CNTLN: variants seen among roughly 807,000 people sequenced by gnomAD.
CNTLN encodes centlein.
A neutral mutation model predicts 180.0 loss-of-function variants in CNTLN; 212 were observed. The ratio of observed to expected loss-of-function variants is 1.18; its 90% CI spans 1.05 to 1.32. CNTLN has a LOEUF of 1.32. Among genes scored for constraint, CNTLN ranks in the 40% most tolerant of loss-of-function variants. The pLI is 0.00. For missense variants in CNTLN, 2,095 were observed against 1,610.9 expected (o/e 1.30, Z -5.14); for synonymous variants, 722 against 563.1 (o/e 1.28, Z -3.99).
rs951235871 is a variant in CNTLN at position 17,484,546 on chromosome 9, A to G, written c.4041+66A>G. On this transcript the variant is annotated intron_variant, in intron 24 of 25. Coordinates refer to ENST00000380647, the MANE Select transcript of CNTLN (RefSeq NM_017738.4). The stretch of plus-strand genomic sequence containing the variant: ...ACACTGGACTTAAGTAGATATTTTT[A>G]TTTGTTTTATACCTCTTAGAATTTC... The G allele has an allele frequency of 4.9e-5, 62 of 1,269,880 alleles. No individual in the cohort carries two copies. The African/African-American group carries it at 6.5e-4, about 13-fold the overall frequency. 78.7% of individuals were successfully genotyped at this position (1,269,880 alleles called of 1,614,324 possible).
At chr9:17,189,301 C>G (rs1821644806) in intron 2 of CNTLN, among the ~76,000 whole-genome samples, 1 of 151,356 alleles carries the variant, frequency 6.6e-6, no homozygotes, top group Non-Finnish European at 1.5e-5. Flanking sequence ...CCAGGATGGT[C>G]TCAATCTTCT....
At chr9:17,497,218 A>G (rs1165005568) in intron 25 of CNTLN, among the ~76,000 whole-genome samples, 2 of 152,066 alleles carry the variant, frequency 1.3e-5, no homozygotes, top group East Asian at 3.9e-4. Context: ...AGGAGTGGAA[A>G]ATGAGGGAGG....
chr9:17,193,327 A>C (rs1459342445), intron 2 of CNTLN, among the ~76,000 whole-genome samples: 8 of 152,216 alleles, frequency 5.3e-5, no homozygotes, highest in Non-Finnish European at 5.9e-5. Flanking sequence ...ATCTGAGACA[A>C]GACAAATCCC....
chr9:17,235,413 CTGAG>C (rs1825079188), intron 3 of CNTLN, among the ~76,000 whole-genome samples: 1 of 151,952 alleles, frequency 6.6e-6, no homozygotes, highest in African/African-American at 2.4e-5. Context: ...AATTTGCTTT[CTGAG>C]TATGATTTAA....
At chr9:17,354,120 C>G (rs2133320574) in intron 12 of CNTLN, among the ~76,000 whole-genome samples, 1 of 152,318 alleles carries the variant, frequency 6.6e-6, no homozygotes, top group East Asian at 1.9e-4. Context: ...GCAGCAGTGC[C>G]AGCCCACCGG....
intron 18 of CNTLN, chr9:17,447,435 C>T (rs868649742): frequency 1.6e-4 from 26 of 165,264 alleles, no homozygotes; most frequent in African/African-American, 4.5e-4. Flanking sequence ...TACACAGTTG[C>T]GGTCCGCTGG....
chr9:17,421,796 A>G (rs1789644216), intron 18 of CNTLN, among the ~76,000 whole-genome samples: 1 of 152,156 alleles, frequency 6.6e-6, no homozygotes, highest in African/African-American at 2.4e-5. Context: ...CAATTATTTT[A>G]AACTGATAAC....
At chr9:17,411,977 C>G (rs1827880117) in intron 16 of CNTLN, among the ~76,000 whole-genome samples, 1 of 152,098 alleles carries the variant, frequency 6.6e-6, no homozygotes, top group African/African-American at 2.4e-5. Context: ...AGGCCAAGTG[C>G]AGAGATGGGG....
intron 2 of CNTLN, among the ~76,000 whole-genome samples, chr9:17,161,816 T>A (rs1199766640): frequency 6.6e-6 from 1 of 152,226 alleles, no homozygotes; most frequent in Non-Finnish European, 1.5e-5. Context: ...TTACAAATAA[T>A]CTCAGGAAGT....
intron 25 of CNTLN, among the ~76,000 whole-genome samples, chr9:17,488,992 G>T (rs1056665715): frequency 6.6e-6 from 1 of 151,968 alleles, no homozygotes; most frequent in Non-Finnish European, 1.5e-5. Flanking sequence ...AAAAGTCAAA[G>T]ACTTTTTATT....
chr9:17,190,160 T>A (rs181658631), intron 2 of CNTLN, among the ~76,000 whole-genome samples: 1 of 148,818 alleles, frequency 6.7e-6, no homozygotes, highest in African/African-American at 2.5e-5. Flanking sequence ...CTCTATCTAG[T>A]AAGCCGGGGG....
intron 1 of CNTLN, among the ~76,000 whole-genome samples, chr9:17,137,967 A>G (rs1817834540): frequency 6.6e-6 from 1 of 152,194 alleles, no homozygotes; most frequent in African/African-American, 2.4e-5. Flanking sequence ...ATGAAGAAAA[A>G]GTGATTAATT....
intron 6 of CNTLN, among the ~76,000 whole-genome samples, chr9:17,275,691 G>A (rs925900278): frequency 2.0e-5 from 3 of 152,082 alleles, no homozygotes; most frequent in Admixed American, 6.6e-5. Context: ...TACATTTTGC[G>A]TGAGTTTGTA....
intron 2 of CNTLN, among the ~76,000 whole-genome samples, chr9:17,163,661 T>A (rs1407701832): frequency 7.9e-5 from 12 of 152,182 alleles, no homozygotes; most frequent in Admixed American, 7.9e-4. Context: ...AGCAAATGCA[T>A]GATATTATAA....
rs575235738 is a variant in CNTLN at position 17,162,928 on chromosome 9, A to T, written c.449+19552A>T. Among the ~76,000 whole-genome samples, 9 of 152,262 alleles carry T rather than the reference A, an allele frequency of 5.9e-5. 1 individual carries two copies. The highest frequency in any genetic ancestry group is 2.2e-4 in the African/African-American group (9 of 41,548). The stretch of plus-strand genomic sequence containing the variant: ...TTTAGGCAGACTTCTGGTTTTGATG[A>T]GGTATTAGTCTGTTCTCACACTGCT... On this transcript the variant is annotated intron_variant, in intron 2 of 25. Coordinates refer to ENST00000380647, the MANE Select transcript of CNTLN (RefSeq NM_017738.4).
At chr9:17,321,668 T>C (rs762447867) in intron 8 of CNTLN, among the ~76,000 whole-genome samples, 4 of 152,194 alleles carry the variant, frequency 2.6e-5, no homozygotes, top group Non-Finnish European at 5.9e-5. Flanking sequence ...TAAAGTACAG[T>C]ATTCTGGTTT....
chr9:17,264,351 T>G (rs1827239754), intron 5 of CNTLN, among the ~76,000 whole-genome samples: 1 of 151,730 alleles, frequency 6.6e-6, no homozygotes, highest in South Asian at 2.1e-4. Flanking sequence ...ATCAGATAGT[T>G]GTAGATATGC....
intron 8 of CNTLN, among the ~76,000 whole-genome samples, chr9:17,327,020 G>A (rs931764723): frequency 6.6e-6 from 1 of 152,056 alleles, no homozygotes; most frequent in Non-Finnish European, 1.5e-5. Context: ...TATTGGTTCA[G>A]TAATTGTAAC....
intron 2 of CNTLN, among the ~76,000 whole-genome samples, chr9:17,164,706 C>A (rs1050717875): frequency 2.0e-5 from 3 of 151,698 alleles, no homozygotes; most frequent in Non-Finnish European, 4.4e-5. Context: ...CTTAGCCTCC[C>A]AAAGTGCTGG....
Sources: gnomAD v4.1 joint callset for allele counts (sites outside exome capture counted in the v4.1 genomes callset) on GRCh38, gnomAD v4.1.1 for gene constraint, MANE v1.5 for transcripts, NCBI Gene and HGNC (gene_info 2026-07-23, HGNC 2026-07-21) for gene names.